Variants in WDR64 observed in about 807,000 individuals in gnomAD.
WDR64 encodes the protein WD repeat domain 64, also known as WD repeat-containing protein 64.
A neutral mutation model predicts 139.3 loss-of-function variants in WDR64; 112 were observed. The ratio of observed to expected loss-of-function variants is 0.80; its 90% CI spans 0.69 to 0.94. The LOEUF (loss-of-function observed/expected upper bound fraction) is 0.94. WDR64 is among the 40% of genes least tolerant of loss of function. The probability of loss-of-function intolerance (pLI) is 0.00; values close to 1 mark genes in which losing one functional copy is unlikely to be tolerated. For synonymous variants in WDR64, 444 were observed against 437.7 expected (o/e 1.01, Z -0.18); for missense variants, 1,206 against 1,293.1 (o/e 0.93, Z 1.03).
chr1:241,652,327 T>C lies in WDR64; in HGVS notation c.-158T>C. The C allele has an allele frequency of 1.4e-6, 1 of 692,998 alleles. No homozygotes were observed. The highest frequency in any genetic ancestry group is 2.4e-6 in the Non-Finnish European group (1 of 425,100). The allele number at this position is 692,998 out of a possible 1,614,324, so 42.9% of individuals were successfully genotyped here. ...CCTGCTAACATCCTAGTGGCAACTC[T>C]TACTCCTACCCGCACTATGGGATTT... On this transcript the variant is annotated 5_prime_UTR_variant, in exon 1 of 28. Transcript: ENST00000437684.
intron 1 of WDR64, among the ~76,000 whole-genome samples, chr1:241,659,668 G>A (rs1183663887): frequency 2.0e-5 from 3 of 152,176 alleles, no homozygotes; most frequent in Non-Finnish European, 4.4e-5. Context: ...CAGTGATGAT[G>A]AGCTTTTTTT....
At chr1:241,795,818 T>A (rs1291047782) in intron 26 of WDR64, among the ~76,000 whole-genome samples, 1 of 152,198 alleles carries the variant, frequency 6.6e-6, no homozygotes, top group Non-Finnish European at 1.5e-5. Flanking sequence ...CAAGAAATAA[T>A]AAGCCAGAGA....
intron 14 of WDR64, among the ~76,000 whole-genome samples, chr1:241,750,791 AT>A (rs1383746968): frequency 6.6e-6 from 1 of 152,184 alleles, no homozygotes; most frequent in Non-Finnish European, 1.5e-5. Flanking sequence ...TCTTATTTAT[AT>A]TTGTATTCTT....
chr1:241,687,810 A>G (rs963663816), intron 8 of WDR64, among the ~76,000 whole-genome samples: 1 of 152,200 alleles, frequency 6.6e-6, no homozygotes, highest in African/African-American at 2.4e-5. Context: ...AACTGTGCCC[A>G]TTTGTTGTTT....
In WDR64 at chr1:241,719,218, T is replaced by A. The variant is rs538202602; in HGVS notation, c.1055-4079T>A. ...GTTTTTCCCCTCTTTGGGGACTTGATAGTTAAACCTCTGAGCTGTGATTCA... is the reference window on the plus strand; with the variant it reads ...GTTTTTCCCCTCTTTGGGGACTTGAAAGTTAAACCTCTGAGCTGTGATTCA... On this transcript the variant is annotated intron_variant, in intron 9 of 27. Transcript: ENST00000437684. Among the ~76,000 whole-genome samples the A allele has an allele frequency of 2.4e-3, 368 of 152,322 alleles. 1 individual carries two copies. The highest frequency in any genetic ancestry group is 0.01 in the Middle Eastern group (3 of 294).
intron 8 of WDR64, among the ~76,000 whole-genome samples, chr1:241,711,436 A>G (rs1668163999): frequency 6.6e-6 from 1 of 152,112 alleles, no homozygotes; most frequent in Non-Finnish European, 1.5e-5. Flanking sequence ...AGAAGTGTCC[A>G]AAAGGGTTCC....
intron 16 of WDR64, among the ~76,000 whole-genome samples, chr1:241,768,385 G>C (rs1574082772): frequency 6.6e-6 from 1 of 152,210 alleles, no homozygotes; most frequent in Non-Finnish European, 1.5e-5. Flanking sequence ...ATTTGCAGTA[G>C]AGTCCATCTC....
intron 2 of WDR64, among the ~76,000 whole-genome samples, chr1:241,668,751 A>T (rs1666113688): frequency 6.6e-6 from 1 of 152,126 alleles, no homozygotes; most frequent in Admixed American, 6.5e-5. Flanking sequence ...TCTACTAAAA[A>T]TACAAAAATT....
At chr1:241,778,644 CTT>C (rs1418004459) in intron 21 of WDR64, among the ~76,000 whole-genome samples, 2 of 152,006 alleles carry the variant, frequency 1.3e-5, no homozygotes, top group Non-Finnish European at 2.9e-5. Flanking sequence ...GTGATTCTAT[CTT>C]CTCTCCTTTC....
intron 7 of WDR64, among the ~76,000 whole-genome samples, chr1:241,686,406 C>T (rs1357898114): frequency 1.3e-5 from 2 of 152,132 alleles, no homozygotes; most frequent in Non-Finnish European, 2.9e-5. Flanking sequence ...AGCTCCCTCC[C>T]CACTCTGTTT....
At chr1:241,784,953 GA>G (rs58720618) in intron 23 of WDR64, among the ~76,000 whole-genome samples, 12,627 of 61,820 alleles carry the variant, frequency 0.2, 685 homozygotes, top group East Asian at 0.43. Flanking sequence ...GACTCTGTCT[GA>G]AAAAAAAAAA....
At chr1:241,755,741 G>A (rs1002983709) in intron 14 of WDR64, among the ~76,000 whole-genome samples, 1 of 152,266 alleles carries the variant, frequency 6.6e-6, no homozygotes, top group South Asian at 2.1e-4. Flanking sequence ...TTTGTATAAG[G>A]TGTAAGGAAG....
intron 3 of WDR64, among the ~76,000 whole-genome samples, chr1:241,671,379 T>C (rs188755174): frequency 3.9e-5 from 6 of 152,316 alleles, no homozygotes; most frequent in Admixed American, 2.6e-4. Context: ...TTATAATTTC[T>C]TTGAAGGACA....
chr1:241,717,904 C>T (rs180795031), intron 9 of WDR64, among the ~76,000 whole-genome samples: 10 of 152,176 alleles, frequency 6.6e-5, no homozygotes, highest in Admixed American at 6.6e-4. Flanking sequence ...TGTTAGTTTA[C>T]GGTCCAGAAA....
intron 5 of WDR64, among the ~76,000 whole-genome samples, 171 bp downstream of exon 5, chr1:241,678,387 C>G (rs1486129557): frequency 6.6e-6 from 1 of 152,126 alleles, no homozygotes; most frequent in African/African-American, 2.4e-5. Context: ...TGAGCAACAG[C>G]AAAGAGGACC....
chr1:241,719,452 T>C (rs1361681157), intron 9 of WDR64, among the ~76,000 whole-genome samples: 1 of 152,108 alleles, frequency 6.6e-6, no homozygotes, highest in Non-Finnish European at 1.5e-5. Flanking sequence ...TATGGAAGTA[T>C]TCTGGAATAT....
intron 8 of WDR64, among the ~76,000 whole-genome samples, chr1:241,702,064 T>G (rs1667733833): frequency 6.6e-6 from 1 of 152,196 alleles, no homozygotes; most frequent in Non-Finnish European, 1.5e-5. Context: ...AGTTCTGTAC[T>G]AGCAAGAAAA....
rs1333277922 is a variant in WDR64, at chr1:241,683,346, T to C, written c.625-141T>C. The C allele has an allele frequency of 1.4e-5, 11 of 771,252 alleles. No individual in the cohort carries two copies. The Admixed American group carries it at 3.2e-4, about 23-fold the overall frequency. The allele number at this position is 771,252 out of a possible 1,614,324, so 47.8% of individuals were successfully genotyped here. ...CTGTAACTTTTATTTGGTTAACTGG[T>C]TTTTTTCTCAAATTATCTTATAAGA... On this transcript the variant is annotated intron_variant, in intron 6 of 27. Transcript: ENST00000437684.
intron 3 of WDR64, among the ~76,000 whole-genome samples, chr1:241,673,268 C>G (rs1036004743): frequency 5.9e-5 from 9 of 151,834 alleles, no homozygotes; most frequent in South Asian, 2.1e-4. Context: ...CAACATGGCA[C>G]ATGTATACAT....
Sources: gnomAD v4.1 joint callset for allele counts (sites outside exome capture counted in the v4.1 genomes callset) on GRCh38, gnomAD v4.1.1 for gene constraint, MANE v1.5 for transcripts, NCBI Gene and HGNC (gene_info 2026-07-23, HGNC 2026-07-21) for gene names.